DELE1: variants seen among roughly 807,000 people sequenced by gnomAD.
DELE1 encodes the protein DAP3 binding cell death enhancer 1, also known as death ligand signal enhancer.
DELE1 carries 54 observed loss-of-function variants against 59.3 expected under a neutral mutation model. The ratio of observed to expected loss-of-function variants is 0.91; its 90% CI spans 0.73 to 1.14. DELE1 has a LOEUF of 1.14. Ranked by LOEUF, DELE1 falls within the 50% of genes most tolerant of loss-of-function variation. DELE1 has a pLI of 0.00. For missense variants in DELE1, 636 were observed against 643.9 expected (o/e 0.99, Z 0.13); for synonymous variants, 264 against 259.1 (o/e 1.02, Z -0.18).
chr5:141,931,546 G>A (rs1158785268), intron 7 of DELE1, among the ~76,000 whole-genome samples: 1 of 152,182 alleles, frequency 6.6e-6, no homozygotes, highest in Admixed American at 6.5e-5. Flanking sequence ...AAGGAGACGA[G>A]GCAGGCGCTG....
At position 141,940,787 on chromosome 5, in the gene DELE1, G is replaced by T; in HGVS notation, c.*2028G>T. 1 of 984,492 alleles carries T rather than the reference G, an allele frequency of 1.0e-6. No homozygotes were observed. Among genetic ancestry groups the T allele is most frequent in the Non-Finnish European group, 1.2e-6 (1 of 829,060 alleles). The allele number at this position is 984,492 out of a possible 1,614,324, so 61.0% of individuals were successfully genotyped here. On this transcript the variant is annotated 3_prime_UTR_variant, in exon 12 of 12. Coordinates refer to ENST00000432126, the MANE Select transcript of DELE1 (RefSeq NM_014773.5). Reference sequence around the variant, plus strand: ...CCAGTGTCCCCAGCACTGAGTGCAAGGCCCCATGCAGGGTAGGAAACCTGA... The same window carrying T: ...CCAGTGTCCCCAGCACTGAGTGCAATGCCCCATGCAGGGTAGGAAACCTGA...
chr5:141,932,966 G>A lies in DELE1; in HGVS notation c.755-293G>A, dbSNP rs183972327. Among the ~76,000 whole-genome samples, 65 of 151,738 alleles carry A rather than the reference G, an allele frequency of 4.3e-4. No individual in the cohort carries two copies. In the East Asian group the frequency reaches 0.012, roughly 28 times the overall value. On this transcript the variant is annotated intron_variant, in intron 7 of 11. Transcript: ENST00000432126. ...AAAAGTTAGCCAGGCATGGGGTCAGGCATCTGTAAACCCAGCTACTTGGGA... is the reference window on the plus strand; with the variant it reads ...AAAAGTTAGCCAGGCATGGGGTCAGACATCTGTAAACCCAGCTACTTGGGA...
chr5:141,939,994 T>C lies in DELE1; in HGVS notation c.*1235T>C. 1.0e-6 allele frequency: 1 copy of C among 985,174 alleles called. No homozygotes were observed. Among genetic ancestry groups the C allele is most frequent in the Non-Finnish European group, 1.2e-6 (1 of 829,692 alleles). The allele number at this position is 985,174 out of a possible 1,614,324, so 61.0% of individuals were successfully genotyped here. ...TGTCCATCAGTTCATACTGCAATTTTATGTGAAAGCATTATGACTGTCCTA... is the reference window on the plus strand; with the variant it reads ...TGTCCATCAGTTCATACTGCAATTTCATGTGAAAGCATTATGACTGTCCTA... On this transcript the variant is annotated 3_prime_UTR_variant, in exon 12 of 12. Transcript: ENST00000432126.
At chr5:141,924,058 G>C in intron 1 of DELE1, 86 bp downstream of exon 1, 2 of 1,530,424 alleles carry the variant, frequency 1.3e-6, no homozygotes, top group Non-Finnish European at 8.9e-7. Flanking sequence ...CAGCCGAAGC[G>C]ATCGTGGGCC....
In DELE1 at chr5:141,939,770, A is replaced by T; in HGVS notation, c.*1011A>T. The T allele has an allele frequency of 1.1e-6, 1 of 887,568 alleles. No individual in the cohort carries two copies. The highest frequency in any genetic ancestry group is 1.8e-5 in the African/African-American group (1 of 54,838). 55.0% of individuals were successfully genotyped at this position (887,568 alleles called of 1,614,324 possible). On this transcript the variant is annotated 3_prime_UTR_variant, in exon 12 of 12. Transcript: ENST00000432126. ...TTGAAGCTGTGACCTGACTCCCTAT[A>T]TTGTTTCCTCAGTTGTAGACCAAAG...
In DELE1 at chr5:141,928,273, A is replaced by C; in HGVS notation, c.387A>C (p.Ser129=). ...ACAGTCCCCTGGACCGTTTCTTCTCATCTCCCTTGTGGCACCCATGCTCCT... is the reference window on the plus strand; with the variant it reads ...ACAGTCCCCTGGACCGTTTCTTCTCCTCTCCCTTGTGGCACCCATGCTCCT... The part of the protein sequence containing the change: ...SWHSPLDRFF[S]SPLWHPCSSL... Residue 129 remains serine (S), a synonymous_variant, in exon 4 of 12, where the codon TCA becomes TCC. Transcript: ENST00000432126. The C allele has an allele frequency of 6.2e-7, 1 of 1,614,118 alleles. No individual in the cohort carries two copies. Among genetic ancestry groups the C allele is most frequent in the Non-Finnish European group, 8.5e-7 (1 of 1,179,994 alleles).
chr5:141,934,836 C>G (rs1752233700), intron 10 of DELE1: 1 of 519,840 alleles, frequency 1.9e-6, no homozygotes, highest in Admixed American at 3.5e-5. Context: ...ATATTTGCAC[C>G]ACAGAAATTG....
Position 141,940,207 on chromosome 5 carries a change from T to C in DELE1, c.*1448T>C. 2 of 985,400 alleles carry C rather than the reference T, an allele frequency of 2.0e-6. No homozygotes were observed. Among genetic ancestry groups the C allele is most frequent in the South Asian group, 9.4e-5 (2 of 21,282 alleles). 61.0% of individuals were successfully genotyped at this position (985,400 alleles called of 1,614,324 possible). On this transcript the variant is annotated 3_prime_UTR_variant, in exon 12 of 12. Coordinates refer to ENST00000432126, the MANE Select transcript of DELE1 (RefSeq NM_014773.5). ...AGCCAGGGAGACGGGCAGGGGGAGC[T>C]GAAAGCTGAGGCTCCGTCCTCATCT...
At chr5:141,923,995 G>C (rs763269943) in intron 1 of DELE1, 23 bp downstream of exon 1, 2 of 1,606,606 alleles carry the variant, frequency 1.2e-6, no homozygotes, top group East Asian at 4.5e-5. Context: ...CAAGCAACCA[G>C]CGTCACTCTG....
At chr5:141,932,942 A>G (rs965497316) in intron 7 of DELE1, among the ~76,000 whole-genome samples, 1 of 151,928 alleles carries the variant, frequency 6.6e-6, no homozygotes, top group Non-Finnish European at 1.5e-5. Context: ...TAAAAATACA[A>G]AAGTTAGCCA....
chr5:141,933,461 A>G, intron 8 of DELE1, 60 bp downstream of exon 8: 1 of 1,306,452 alleles, frequency 7.7e-7, no homozygotes, highest in Non-Finnish European at 1.0e-6. Flanking sequence ...ATGTCTAGAA[A>G]TGAGCAGTGG....
chr5:141,937,499 G>A (rs1350061458), intron 11 of DELE1, 142 bp downstream of exon 11: 25 of 936,422 alleles, frequency 2.7e-5, no homozygotes, highest in African/African-American at 1.2e-4. Context: ...GGATGGGCAC[G>A]GTGGCTCACG....
rs892068657 is a variant in DELE1 at position 141,938,862 on chromosome 5, C to T, written c.*103C>T. 6.7e-7 allele frequency: 1 copy of T among 1,497,866 alleles called. No individual in the cohort carries two copies. Among genetic ancestry groups the T allele is most frequent in the African/African-American group, 1.4e-5 (1 of 71,744 alleles). The allele number at this position is 1,497,866 out of a possible 1,614,324, so 92.8% of individuals were successfully genotyped here. A position where few individuals can be genotyped will look rare whatever the true frequency, so the allele number is the denominator to read the frequency against. On this transcript the variant is annotated 3_prime_UTR_variant, in exon 12 of 12. Coordinates refer to ENST00000432126, the MANE Select transcript of DELE1 (RefSeq NM_014773.5). ...AGCAACCCTTTCCAGGTAGAAATTC[C>T]AGCGGGAGTTCAGGTTCCCAAGCAA...
At chr5:141,924,154 G>C (rs1173301466) in intron 1 of DELE1, among the ~76,000 whole-genome samples, 182 bp downstream of exon 1, 1 of 152,242 alleles carries the variant, frequency 6.6e-6, no homozygotes, top group Non-Finnish European at 1.5e-5. Context: ...GGCCTAGCTA[G>C]AAGAGGGTGG....
chr5:141,934,465 G>A (rs761442202), intron 9 of DELE1, 29 bp from the exon 10 acceptor site: 7 of 1,614,172 alleles, frequency 4.3e-6, no homozygotes, highest in Non-Finnish European at 5.1e-6. Context: ...TGACCAAGAT[G>A]CCTTCTTTTC....
At chr5:141,937,935 C>G (rs1377923723) in intron 11 of DELE1, among the ~76,000 whole-genome samples, 1 of 151,442 alleles carries the variant, frequency 6.6e-6, no homozygotes, top group Non-Finnish European at 1.5e-5. Context: ...AGCGATTCTC[C>G]TGCCTCAGCC....
chr5:141,928,565 T>C (rs1751616904), intron 4 of DELE1, among the ~76,000 whole-genome samples: 2 of 152,260 alleles, frequency 1.3e-5, no homozygotes, highest in Non-Finnish European at 2.9e-5. Flanking sequence ...TGTGGCTTCC[T>C]GGCCCACATT....
chr5:141,926,949 A>G (rs1047993249), intron 3 of DELE1, among the ~76,000 whole-genome samples: 3 of 152,166 alleles, frequency 2.0e-5, no homozygotes, highest in African/African-American at 7.2e-5. Flanking sequence ...GTTCTTCACA[A>G]TGCTGGTGCC....
Position 141,939,873 on chromosome 5 carries a change from T to C in DELE1, c.*1114T>C. On this transcript the variant is annotated 3_prime_UTR_variant, in exon 12 of 12. Coordinates refer to ENST00000432126, the MANE Select transcript of DELE1 (RefSeq NM_014773.5). ...ACAGAGAGGACCTTTGTGCTCACTTTGGCCCAGGAGGCAGTGATGCTCATG... is the reference window on the plus strand; with the variant it reads ...ACAGAGAGGACCTTTGTGCTCACTTCGGCCCAGGAGGCAGTGATGCTCATG... 2 of 592,264 alleles carry C rather than the reference T, an allele frequency of 3.4e-6. No homozygotes were observed. The highest frequency in any genetic ancestry group is 4.2e-6 in the Non-Finnish European group (2 of 471,268). The allele number at this position is 592,264 out of a possible 1,614,324, so 36.7% of individuals were successfully genotyped here. A position where few individuals can be genotyped will look rare whatever the true frequency, so the allele number is the denominator to read the frequency against.
Sources: allele counts gnomAD v4.1 joint callset (sites outside exome capture counted in the v4.1 genomes callset), GRCh38; gene constraint gnomAD v4.1.1; transcripts MANE v1.5; gene names NCBI Gene and HGNC (gene_info 2026-07-23, HGNC 2026-07-21).